Variants in MBD5 observed in about 807,000 individuals in gnomAD.
MBD5 encodes methyl-CpG-binding domain protein 5.
MBD5 carries 13 observed loss-of-function variants against 117.3 expected under a neutral mutation model. That is an observed-to-expected ratio of 0.11 (90% CI 0.07 to 0.18). The LOEUF (loss-of-function observed/expected upper bound fraction) is 0.18. Ranked by LOEUF, MBD5 falls within the 10% of genes least tolerant of loss-of-function variation. The pLI, the probability that MBD5 is intolerant of heterozygous loss-of-function variation, is 1.00. For missense variants in MBD5, 1,879 were observed against 2,093.8 expected, an observed-to-expected ratio of 0.90 and a Z score of 2.00; for synonymous variants, 727 against 766.4, an observed-to-expected ratio of 0.95 and a Z score of 0.85.
At chr2:148,281,065 A>G (rs1418085187) in intron 3 of MBD5, among the ~76,000 whole-genome samples, 2 of 152,142 alleles carry the variant, frequency 1.3e-5, no homozygotes, top group Non-Finnish European at 2.9e-5. Flanking sequence ...ATATATTTTT[A>G]TGGATTTTAT....
intron 4 of MBD5, among the ~76,000 whole-genome samples, chr2:148,412,272 T>TTTTG (rs946184910): frequency 1.4e-5 from 2 of 144,480 alleles, no homozygotes; most frequent in South Asian, 4.5e-4. Context: ...AGTATACTTT[T>TTTTG]TGTGTGTGTG....
In MBD5 at chr2:148,345,452, C is replaced by CACATATACATATGTATATACACAT. The variant is rs1297070847; in HGVS notation, c.-557+3171_-557+3194dup. ...ACATATACATATGTATATACACATA[C>CACATATACATATGTATATACACAT]ACATATACATATGTATATACACATA... On this transcript the variant is annotated intron_variant, in intron 4 of 13. Coordinates refer to ENST00000642680, the MANE Select transcript of MBD5 (RefSeq NM_001378120.1). Among the ~76,000 whole-genome samples the CACATATACATATGTATATACACAT allele has an allele frequency of 2.3e-3, 183 of 80,194 alleles. 1 individual carries two copies. The highest frequency in any genetic ancestry group is 3.1e-3 in the Non-Finnish European group (117 of 37,308). The allele number at this position is 80,194 out of a possible 152,430, so 52.6% of individuals were successfully genotyped here. A position where few individuals can be genotyped will look rare whatever the true frequency, so the allele number is the denominator to read the frequency against.
intron 4 of MBD5, among the ~76,000 whole-genome samples, chr2:148,347,966 G>A (rs1263218346): frequency 2.0e-5 from 3 of 151,874 alleles, no homozygotes; most frequent in Non-Finnish European, 4.4e-5. Flanking sequence ...CTTCTTCAGG[G>A]AAGCTTTGTC....
At chr2:148,281,998 G>A (rs1701259735) in intron 3 of MBD5, among the ~76,000 whole-genome samples, 1 of 152,078 alleles carries the variant, frequency 6.6e-6, no homozygotes, top group Non-Finnish European at 1.5e-5. Context: ...TGTCAGCCTT[G>A]CGTACTACTT....
At chr2:148,364,040 T>TC (rs1282342457) in intron 4 of MBD5, among the ~76,000 whole-genome samples, 2 of 151,916 alleles carry the variant, frequency 1.3e-5, no homozygotes, top group Non-Finnish European at 2.9e-5. Flanking sequence ...AGACACATAA[T>TC]CGACAGATTC....
chr2:148,489,996 T>C lies in MBD5; in HGVS notation c.4364T>C (p.Ile1455Thr). ...YEEFLDHPGH[I>T]HSSPCHERPN... ...GAATTTTTAGATCATCCAGGCCATA[T>C]CCACAGTAGTCCTTGTCATGAAAGG... The change falls in exon 11 of 14, where the codon ATC (isoleucine) becomes ACC (threonine). Residue 1455 changes from isoleucine (I) to threonine (T), a missense_variant. Around this residue, in one of 4 missense-constraint regions of MBD5, gnomAD observed 1,666 missense variants for 1,792.2 expected, o/e 0.93. Transcript: ENST00000642680. 6.2e-7 allele frequency: 1 copy of C among 1,613,880 alleles called. No individual in the cohort carries two copies. Among genetic ancestry groups the C allele is most frequent in the Non-Finnish European group, 8.5e-7 (1 of 1,179,978 alleles).
At chr2:148,485,542 A>C (rs1681309451) in intron 9 of MBD5, 200 bp from the exon 10 acceptor site, 1 of 574,590 alleles carries the variant, frequency 1.7e-6, no homozygotes, top group Admixed American at 3.0e-5. Flanking sequence ...AAATTAAAAA[A>C]CTAATTATAC....
chr2:148,230,090 A>G (rs951465998), intron 2 of MBD5, among the ~76,000 whole-genome samples: 29 of 152,138 alleles, frequency 1.9e-4, no homozygotes, highest in African/African-American at 6.8e-4. Context: ...GGGCTCAACA[A>G]TCAGCAGGTG....
At chr2:148,489,245 AT>A in intron 10 of MBD5, 140 bp from the exon 11 acceptor site, 1 of 1,041,898 alleles carries the variant, frequency 9.6e-7, no homozygotes, top group African/African-American at 1.6e-5. Flanking sequence ...TTTTTATTTC[AT>A]TTTTTGAGTC....
intron 1 of MBD5, among the ~76,000 whole-genome samples, chr2:148,048,864 T>C (rs12691772): frequency 6.6e-6 from 1 of 151,830 alleles, no homozygotes; most frequent in South Asian, 2.1e-4. Flanking sequence ...GGGTATGAGA[T>C]AAGCCTCTCT....
At chr2:148,034,970 T>C (rs965897390) in intron 1 of MBD5, among the ~76,000 whole-genome samples, 6 of 152,178 alleles carry the variant, frequency 3.9e-5, no homozygotes, top group Non-Finnish European at 8.8e-5. Flanking sequence ...TACTACAATA[T>C]AGAACCTTTA....
chr2:148,411,512 C>CTTTTTTTTTTT (rs1188326755), intron 4 of MBD5, among the ~76,000 whole-genome samples: 18 of 97,442 alleles, frequency 1.8e-4, no homozygotes, highest in East Asian at 3.1e-4. Flanking sequence ...AGCATCTGTT[C>CTTTTTTTTTTT]TTTTTTTTTT....
At position 148,468,449 on chromosome 2, in the gene MBD5, A is replaced by G; in HGVS notation, c.506A>G (p.Lys169Arg). The G allele has an allele frequency of 1.2e-6, 2 of 1,613,834 alleles. No homozygotes were observed. Among genetic ancestry groups the G allele is most frequent in the Non-Finnish European group, 1.7e-6 (2 of 1,179,814 alleles). ...SVMPECKNPF[K>R]LMIGSSNAMG... The stretch of plus-strand genomic sequence containing the variant: ...ATGCCTGAATGTAAGAATCCTTTCA[A>G]GTTAATGATTGGATCATCAAATGCC... The change falls in exon 8 of 14, where the codon AAG (lysine) becomes AGG (arginine). Residue 169 changes from lysine to arginine, a missense_variant. Coordinates refer to ENST00000642680, the MANE Select transcript of MBD5 (RefSeq NM_001378120.1).
At chr2:148,177,361 C>T (rs1698416313) in intron 1 of MBD5, among the ~76,000 whole-genome samples, 1 of 152,152 alleles carries the variant, frequency 6.6e-6, no homozygotes, top group Admixed American at 6.5e-5. Context: ...TGTGGGCATG[C>T]ACCTGGGGTT....
At chr2:148,112,483 C>CA (rs1696524352) in intron 1 of MBD5, among the ~76,000 whole-genome samples, 1 of 152,046 alleles carries the variant, frequency 6.6e-6, no homozygotes, top group Non-Finnish European at 1.5e-5. Context: ...ATACTTGGTG[C>CA]AAAACGAACG....
intron 3 of MBD5, among the ~76,000 whole-genome samples, chr2:148,247,318 A>T (rs1700360130): frequency 6.6e-6 from 1 of 152,112 alleles, no homozygotes; most frequent in African/African-American, 2.4e-5. Flanking sequence ...TTGTTTCCAA[A>T]AGTTTACCAA....
At chr2:148,493,309 A>G (rs1236441066) in intron 11 of MBD5, among the ~76,000 whole-genome samples, 2 of 152,202 alleles carry the variant, frequency 1.3e-5, no homozygotes, top group Non-Finnish European at 2.9e-5. Flanking sequence ...AAAGAATCCA[A>G]GATTCTGTCA....
At chr2:148,285,413 G>A (rs1384272059) in intron 3 of MBD5, among the ~76,000 whole-genome samples, 1 of 152,100 alleles carries the variant, frequency 6.6e-6, no homozygotes, top group Admixed American at 6.5e-5. Context: ...GTTGAATTTT[G>A]TAAACATACT....
intron 3 of MBD5, among the ~76,000 whole-genome samples, chr2:148,242,345 C>A (rs1430860977): frequency 3.3e-5 from 5 of 149,572 alleles, no homozygotes; most frequent in Admixed American, 6.8e-5. Flanking sequence ...TAAGTTTATG[C>A]CTGCCAGAGG....
Sources: gnomAD v4.1 joint callset for allele counts (sites outside exome capture counted in the v4.1 genomes callset) on GRCh38, gnomAD v4.1.1 for gene constraint, gnomAD v4.1.1 regional missense constraint, MANE v1.5 for transcripts, NCBI Gene and HGNC (gene_info 2026-07-23, HGNC 2026-07-21) for gene names.